Variants in GRM7 observed in about 807,000 individuals in gnomAD.
GRM7 encodes glutamate metabotropic receptor 7, also known as metabotropic glutamate receptor 7.
In GRM7, 35 loss-of-function variants were observed where a neutral mutation model predicts 84.5. The ratio of observed to expected loss-of-function variants is 0.41; its 90% CI spans 0.32 to 0.55. GRM7 has a LOEUF of 0.55. Among genes scored for constraint, GRM7 ranks in the 20% least tolerant of loss-of-function variants. The pLI is 0.19. For missense variants in GRM7, 1,003 were observed against 1,194.6 expected, an observed-to-expected ratio of 0.84 and a Z score of 2.36; for synonymous variants, 487 against 455.1, an observed-to-expected ratio of 1.07 and a Z score of -0.89.
chr3:7,520,998 C>G (rs1106485), intron 7 of GRM7, among the ~76,000 whole-genome samples: 66,501 of 151,980 alleles, frequency 0.44, 14,646 homozygotes, highest in Middle Eastern at 0.49. Flanking sequence ...ACCCACAACT[C>G]AAATTCTGAG....
chr3:6,928,305 G>C lies in GRM7; in HGVS notation c.519+66398G>C, dbSNP rs1448247188. Among the ~76,000 whole-genome samples the C allele has an allele frequency of 6.6e-6, 1 of 151,984 alleles. No homozygotes were observed. Among genetic ancestry groups the C allele is most frequent in the East Asian group, 1.9e-4 (1 of 5,168 alleles). Reference sequence around the variant, plus strand: ...TAATGACTTGTTAACTTGTAGATATGATTAAGCCCCACAGTTTTCCCATGA... The same window carrying C: ...TAATGACTTGTTAACTTGTAGATATCATTAAGCCCCACAGTTTTCCCATGA... On this transcript the variant is annotated intron_variant, in intron 1 of 9. Transcript: ENST00000357716. The surrounding 1 kb of genome is among the most constrained non-coding windows in gnomAD (Gnocchi z 4.5).
Position 7,726,314 on chromosome 3 carries a change from C to T in GRM7, c.2699-14043C>T, listed in dbSNP as rs139743372. 3.5e-3 allele frequency among the ~76,000 whole-genome samples: 534 copies of T among 152,098 alleles called. 9 individuals carry two copies. The East Asian group carries it at 0.067, about 19-fold the overall frequency. ...AAAAAGAAGAAAAGGGATGTGGCTACTCAGGCCTGAGAGACGGTCACTGTC... is the reference window on the plus strand; with the variant it reads ...AAAAAGAAGAAAAGGGATGTGGCTATTCAGGCCTGAGAGACGGTCACTGTC... On this transcript the variant is annotated intron_variant, in intron 9 of 9. Transcript: ENST00000357716.
At chr3:6,932,957 G>C (rs1448816455) in intron 1 of GRM7, among the ~76,000 whole-genome samples, 2 of 151,846 alleles carry the variant, frequency 1.3e-5, no homozygotes, top group African/African-American at 4.8e-5. Flanking sequence ...GTTTCACCAT[G>C]TTGGCCAAGC....
At chr3:7,445,980 C>T (rs931148617) in intron 5 of GRM7, among the ~76,000 whole-genome samples, 4 of 143,590 alleles carry the variant, frequency 2.8e-5, no homozygotes, top group African/African-American at 4.9e-5. Flanking sequence ...TGTCACAAAT[C>T]AAATATGCCC....
intron 8 of GRM7, among the ~76,000 whole-genome samples, chr3:7,638,480 G>A (rs1698208777): frequency 6.6e-6 from 1 of 152,144 alleles, no homozygotes; most frequent in Non-Finnish European, 1.5e-5. Flanking sequence ...ATAAAAGTGG[G>A]ATGCCCACTA....
intron 2 of GRM7, among the ~76,000 whole-genome samples, chr3:7,185,117 C>T (rs1268107612): frequency 6.6e-6 from 1 of 152,020 alleles, no homozygotes; most frequent in Non-Finnish European, 1.5e-5. Context: ...GTGCAAAAGC[C>T]AGTATTTAAA....
chr3:7,652,165 A>G (rs1698973479), intron 8 of GRM7, among the ~76,000 whole-genome samples: 1 of 152,200 alleles, frequency 6.6e-6, no homozygotes, highest in South Asian at 2.1e-4. Context: ...CAGAATGACT[A>G]TGAAGTTAGT....
At chr3:7,570,763 T>C (rs975482906) in intron 7 of GRM7, among the ~76,000 whole-genome samples, 9 of 152,228 alleles carry the variant, frequency 5.9e-5, no homozygotes, top group African/African-American at 2.2e-4. Context: ...GGGACTCTGT[T>C]TGGGGGCTCT....
intron 1 of GRM7, among the ~76,000 whole-genome samples, chr3:7,022,819 G>GT (rs1695828488): frequency 6.6e-6 from 1 of 152,024 alleles, no homozygotes. Context: ...TCCTATGAAG[G>GT]TTTGCTGAAA....
intron 4 of GRM7, among the ~76,000 whole-genome samples, chr3:7,331,470 C>T (rs1324649200): frequency 1.3e-5 from 2 of 152,170 alleles, no homozygotes; most frequent in African/African-American, 4.8e-5. Context: ...TCCAAGTGGA[C>T]ATACCACGGC....
intron 2 of GRM7, among the ~76,000 whole-genome samples, chr3:7,202,615 G>A (rs1029998409): frequency 1.5e-4 from 23 of 152,272 alleles, no homozygotes; most frequent in Non-Finnish European, 2.1e-4. Flanking sequence ...ACAGACATGA[G>A]CCACAGCAGC....
intron 8 of GRM7, among the ~76,000 whole-genome samples, chr3:7,582,988 T>A (rs978780957): frequency 6.6e-6 from 1 of 152,194 alleles, no homozygotes. Context: ...ACAGAAGACA[T>A]CCTGTAAATA....
chr3:7,086,048 TTA>T (rs1277958506), intron 1 of GRM7, among the ~76,000 whole-genome samples: 1 of 109,492 alleles, frequency 9.1e-6, no homozygotes, highest in Non-Finnish European at 1.8e-5. Flanking sequence ...TTTGCAAAAA[TTA>T]TTTTTTTTTG....
At chr3:7,235,170 C>T (rs564594712) in intron 2 of GRM7, among the ~76,000 whole-genome samples, 8 of 152,312 alleles carry the variant, frequency 5.3e-5, no homozygotes, top group East Asian at 1.9e-4. Context: ...ATCAACTAGA[C>T]GGTAAAGTGC....
chr3:7,587,044 C>T (rs1002753020), intron 8 of GRM7, among the ~76,000 whole-genome samples: 8 of 152,130 alleles, frequency 5.3e-5, no homozygotes, highest in African/African-American at 1.9e-4. Flanking sequence ...AATATGTGTT[C>T]ACTCTCCTGA....
At chr3:7,177,773 CT>C (rs147677299) in intron 2 of GRM7, among the ~76,000 whole-genome samples, 2 of 152,204 alleles carry the variant, frequency 1.3e-5, no homozygotes, top group East Asian at 3.9e-4. Context: ...AATGTATGTG[CT>C]TAGGACGAAG....
At chr3:7,719,709 G>A (rs1172043708) in intron 9 of GRM7, among the ~76,000 whole-genome samples, 1 of 151,636 alleles carries the variant, frequency 6.6e-6, no homozygotes, top group East Asian at 1.9e-4. Flanking sequence ...CTACTCGGGA[G>A]GCTGAGACAG....
chr3:7,374,009 C>A (rs1238081706), intron 4 of GRM7, among the ~76,000 whole-genome samples: 3 of 152,118 alleles, frequency 2.0e-5, no homozygotes, highest in Non-Finnish European at 4.4e-5. Flanking sequence ...AGGACATGTT[C>A]CATGGGAGAG....
chr3:7,663,846 A>G (rs1225216313), intron 8 of GRM7, among the ~76,000 whole-genome samples: 1 of 152,212 alleles, frequency 6.6e-6, no homozygotes, highest in Non-Finnish European at 1.5e-5. Context: ...TCCCACAAAT[A>G]TTAAGTGAAA....
Sources: allele counts gnomAD v4.1 joint callset (sites outside exome capture counted in the v4.1 genomes callset), GRCh38; gene constraint gnomAD v4.1.1; non-coding constraint Gnocchi (gnomAD v3.1); transcripts MANE v1.5; gene names NCBI Gene and HGNC (gene_info 2026-07-23, HGNC 2026-07-21).